Variants in BCAS3 observed in about 807,000 individuals in gnomAD.
BCAS3 encodes BCAS3 microtubule associated cell migration factor, also known as BCAS4/BCAS3 fusion.
A neutral mutation model predicts 116.1 loss-of-function variants in BCAS3; 53 were observed. That is an observed-to-expected ratio of 0.46 (90% CI 0.37 to 0.57). The LOEUF is 0.57. BCAS3 is among the 20% of genes least tolerant of loss of function. The pLI is 0.00. For missense variants in BCAS3, 917 were observed against 1,165.4 expected (o/e 0.79, Z 3.10); for synonymous variants, 391 against 408.2 (o/e 0.96, Z 0.51).
intron 22 of BCAS3, among the ~76,000 whole-genome samples, chr17:61,322,805 AGAGAGAG>A (rs2055351617): frequency 7.7e-6 from 1 of 129,848 alleles, no homozygotes; most frequent in South Asian, 2.4e-4. Flanking sequence ...AGAGAGAGAG[AGAGAGAG>A]AGAGAGAGAG....
intron 14 of BCAS3, among the ~76,000 whole-genome samples, chr17:60,974,212 G>A (rs747424913): frequency 1.6e-4 from 24 of 151,998 alleles, no homozygotes; most frequent in Admixed American, 9.8e-4. Flanking sequence ...TATTAATTGA[G>A]GTTGTTATTG....
At chr17:61,207,203 G>A (rs1480147996) in intron 22 of BCAS3, among the ~76,000 whole-genome samples, 1 of 152,036 alleles carries the variant, frequency 6.6e-6, no homozygotes, top group African/African-American at 2.4e-5. Context: ...TTTCTTCTCT[G>A]TCCTTATATT....
intron 22 of BCAS3, among the ~76,000 whole-genome samples, chr17:61,096,948 C>A (rs1014503514): frequency 1.3e-5 from 2 of 152,096 alleles, no homozygotes; most frequent in African/African-American, 4.8e-5. Context: ...GTAATTATTT[C>A]ACATATGTGG....
intron 16 of BCAS3, among the ~76,000 whole-genome samples, chr17:61,031,971 A>C (rs1424569681): frequency 6.6e-6 from 1 of 152,128 alleles, no homozygotes; most frequent in African/African-American, 2.4e-5. Flanking sequence ...ATTGTATGTA[A>C]CTTATAGATG....
At chr17:60,946,332 T>C (rs1488937817) in intron 13 of BCAS3, among the ~76,000 whole-genome samples, 1 of 152,136 alleles carries the variant, frequency 6.6e-6, no homozygotes, top group African/African-American at 2.4e-5. Context: ...AAAATGATGA[T>C]AGGCCTAAAT....
At position 61,122,816 on chromosome 17, in the gene BCAS3, G is replaced by A. The variant is rs978242796; in HGVS notation, c.2425+38252G>A. 6.6e-6 allele frequency among the ~76,000 whole-genome samples: 1 copy of A among 152,176 alleles called. No individual in the cohort carries two copies. The highest frequency in any genetic ancestry group is 1.5e-5 in the Non-Finnish European group (1 of 68,036). ...TAGCATCTGTTGTCAATACAGCAAT[G>A]TAAGCTGATGGCTATTGGAATTCAC... On this transcript the variant is annotated intron_variant, in intron 22 of 23. Coordinates refer to ENST00000407086, the MANE Select transcript of BCAS3 (RefSeq NM_017679.5). This position sits in a 1 kb window ranked among gnomAD's most constrained non-coding sequence, Gnocchi z 4.6.
Position 61,034,900 on chromosome 17 carries a change from A to AT in BCAS3, c.1762+117dup, listed in dbSNP as rs2066900110. 9 of 1,019,434 alleles carry AT rather than the reference A, an allele frequency of 8.8e-6. No homozygotes were observed. The highest frequency in any genetic ancestry group is 1.7e-5 in the South Asian group (1 of 57,428). 63.1% of individuals were successfully genotyped at this position (1,019,434 alleles called of 1,614,324 possible). A position where few individuals can be genotyped will look rare whatever the true frequency, so the allele number is the denominator to read the frequency against. On this transcript the variant is annotated intron_variant, in intron 17 of 23. Coordinates refer to ENST00000407086, the MANE Select transcript of BCAS3 (RefSeq NM_017679.5). This position sits in a 1 kb window ranked among gnomAD's most constrained non-coding sequence, Gnocchi z 5.0. Reference sequence around the variant, plus strand: ...CTTGTACCCAGTAGTCTGGAAACCAATTTTTTTAATGTAATTAGCATGTCA... The same window carrying AT: ...CTTGTACCCAGTAGTCTGGAAACCAATTTTTTTTAATGTAATTAGCATGTCA...
chr17:60,763,439 A>G (rs2043752820), intron 6 of BCAS3, among the ~76,000 whole-genome samples: 1 of 152,176 alleles, frequency 6.6e-6, no homozygotes, highest in Non-Finnish European at 1.5e-5. Context: ...CCTTTTCTGC[A>G]TCTATTGAGA....
chr17:60,792,499 G>T (rs970864972), intron 6 of BCAS3, among the ~76,000 whole-genome samples: 4 of 152,204 alleles, frequency 2.6e-5, no homozygotes, highest in Admixed American at 2.6e-4. Context: ...AGTGGGCCCC[G>T]AGGGAAACTT....
chr17:61,364,735 C>T lies in BCAS3; in HGVS notation c.2426-3592C>T, dbSNP rs2058637998. ...AACAAAACAAAACAAAACAGTTCTC[C>T]ACTGCAGGTGTTGCTGAGGGAAACA... On this transcript the variant is annotated intron_variant, in intron 22 of 23. Coordinates refer to ENST00000407086, the MANE Select transcript of BCAS3 (RefSeq NM_017679.5). The surrounding 1 kb of genome is among the most constrained non-coding windows in gnomAD (Gnocchi z 5.4). Among the ~76,000 whole-genome samples, 1 of 152,164 alleles carries T rather than the reference C, an allele frequency of 6.6e-6. No homozygotes were observed. Among genetic ancestry groups the T allele is most frequent in the African/African-American group, 2.4e-5 (1 of 41,402 alleles).
chr17:61,243,641 C>A lies in BCAS3; in HGVS notation c.2426-124686C>A, dbSNP rs968616223. Among the ~76,000 whole-genome samples the A allele has an allele frequency of 6.6e-6, 1 of 152,170 alleles. No individual in the cohort carries two copies. The highest frequency in any genetic ancestry group is 2.4e-5 in the African/African-American group (1 of 41,442). ...GTTTGATTGAATCAAGGGTAATCAC[C>A]ATTATCCTGATTTTCAGGACTTTCA... is the stretch of plus-strand genomic sequence containing the variant. On this transcript the variant is annotated intron_variant, in intron 22 of 23. Coordinates refer to ENST00000407086, the MANE Select transcript of BCAS3 (RefSeq NM_017679.5). The surrounding 1 kb of genome is among the most constrained non-coding windows in gnomAD (Gnocchi z 5.6).
Position 61,015,846 on chromosome 17 carries a change from C to T in BCAS3, c.1582C>T (p.Pro528Ser). The T allele has an allele frequency of 6.2e-7, 1 of 1,614,082 alleles. No homozygotes were observed. Among genetic ancestry groups the T allele is most frequent in the Non-Finnish European group, 8.5e-7 (1 of 1,179,956 alleles). ...SPLPSLMVVM[P>S]LAQIKQPMTL... ...TCTTCCCAGCTTGATGGTAGTGATG[C>T]CTCTTGCACAAATCAAGCAGCCAAT... Residue 528 changes from proline (P) to serine (S), a missense_variant, in exon 16 of 24, where the codon CCT becomes TCT. By Grantham distance (74) the Pro-to-Ser change is moderately conservative (BLOSUM62 -1). Coordinates refer to ENST00000407086, the MANE Select transcript of BCAS3 (RefSeq NM_017679.5).
intron 10 of BCAS3, among the ~76,000 whole-genome samples, chr17:60,895,762 G>T (rs758958879): frequency 1.3e-5 from 2 of 152,092 alleles, no homozygotes; most frequent in African/African-American, 4.8e-5. Flanking sequence ...TTTGTTTCAA[G>T]ATTTTAAAGA....
intron 6 of BCAS3, among the ~76,000 whole-genome samples, chr17:60,771,784 T>A (rs909907946): frequency 6.6e-6 from 1 of 151,460 alleles, no homozygotes; most frequent in Non-Finnish European, 1.5e-5. Flanking sequence ...TTCCCAACTA[T>A]GAGTGAGAAC....
rs555638486 is a variant in BCAS3, at chr17:60,791,895, C to T, written c.404-16109C>T. On this transcript the variant is annotated intron_variant, in intron 6 of 23. Transcript: ENST00000407086. ...ATCCCAGCACTTTGGGGGGCTGAGGCGGGCAGATCACGAGGTTAGGAGTTC... is the reference window on the plus strand; with the variant it reads ...ATCCCAGCACTTTGGGGGGCTGAGGTGGGCAGATCACGAGGTTAGGAGTTC... Among the ~76,000 whole-genome samples the T allele has an allele frequency of 3.1e-3, 477 of 152,094 alleles. 4 individuals are homozygous for T. Among genetic ancestry groups the T allele is most frequent in the African/African-American group, 0.011 (454 of 41,498 alleles).
chr17:60,846,039 C>T (rs2052500256), intron 7 of BCAS3, among the ~76,000 whole-genome samples: 1 of 152,040 alleles, frequency 6.6e-6, no homozygotes, highest in Admixed American at 6.6e-5. Context: ...AGCAATCCTC[C>T]CACCTCAGTC....
chr17:60,814,306 T>TGCGCGCGTGCGC (rs1555731471), intron 7 of BCAS3, among the ~76,000 whole-genome samples: 56 of 148,302 alleles, frequency 3.8e-4, no homozygotes, highest in African/African-American at 1.3e-3. Context: ...TGTGTGTGTG[T>TGCGCGCGTGCGC]GCGCGCGTGC....
intron 10 of BCAS3, among the ~76,000 whole-genome samples, chr17:60,893,600 CTTTTTTTTTTTTTT>C (rs930873750): frequency 1.2e-5 from 1 of 82,052 alleles, no homozygotes; most frequent in Admixed American, 1.4e-4. Flanking sequence ...GACCTATGAT[CTTTTTTTTTTTTTT>C]TTTTTTTTTT....
At chr17:60,824,889 G>A (rs1340447567) in intron 7 of BCAS3, among the ~76,000 whole-genome samples, 2 of 152,168 alleles carry the variant, frequency 1.3e-5, no homozygotes, top group Non-Finnish European at 2.9e-5. Context: ...GGTTGGGCTG[G>A]GCGCAGTGGC....
Sources: allele counts gnomAD v4.1 joint callset (sites outside exome capture counted in the v4.1 genomes callset), GRCh38; gene constraint gnomAD v4.1.1; non-coding constraint Gnocchi (gnomAD v3.1); transcripts MANE v1.5; gene names NCBI Gene and HGNC (gene_info 2026-07-23, HGNC 2026-07-21).